The following NR3C2 variants were observed in gnomAD, a reference collection of about 807,000 sequenced individuals.
NR3C2 encodes the protein nuclear receptor subfamily 3 group C member 2, also known as mineralocorticoid receptor.
A neutral mutation model predicts 86.4 loss-of-function variants in NR3C2; 15 were observed. The ratio of observed to expected loss-of-function variants is 0.17; its 90% CI spans 0.12 to 0.27. The LOEUF (loss-of-function observed/expected upper bound fraction) is 0.27, where lower values mean the gene tolerates loss of function less well. Ranked by LOEUF, NR3C2 falls within the 10% of genes least tolerant of loss-of-function variation. The probability of loss-of-function intolerance (pLI) is 1.00; values close to 1 mark genes in which losing one functional copy is unlikely to be tolerated. For missense variants in NR3C2, 960 were observed against 1,195.6 expected (o/e 0.80, Z 2.91); for synonymous variants, 458 against 450.5 (o/e 1.02, Z -0.21).
chr4:148,232,370 A>T (rs376659363), intron 3 of NR3C2, among the ~76,000 whole-genome samples: 2 of 152,254 alleles, frequency 1.3e-5, no homozygotes, highest in Admixed American at 1.3e-4. Flanking sequence ...GTACATCTGC[A>T]TTAGAGTTCT....
intron 3 of NR3C2, among the ~76,000 whole-genome samples, chr4:148,221,237 C>T (rs1232681892): frequency 6.6e-6 from 1 of 152,194 alleles, no homozygotes; most frequent in Non-Finnish European, 1.5e-5. Flanking sequence ...GCCTTTATTA[C>T]TATGTGAACC....
intron 3 of NR3C2, among the ~76,000 whole-genome samples, chr4:148,205,305 G>A (rs1736948680): frequency 6.6e-6 from 1 of 152,150 alleles, no homozygotes; most frequent in South Asian, 2.1e-4. Flanking sequence ...AATTAGACTA[G>A]TTTTGGGTCT....
intron 2 of NR3C2, among the ~76,000 whole-genome samples, chr4:148,409,133 A>C (rs1748565077): frequency 6.6e-6 from 1 of 152,200 alleles, no homozygotes; most frequent in Non-Finnish European, 1.5e-5. Context: ...CAAGGCTCCT[A>C]GCATATTGCC....
chr4:148,321,195 AGATT>A (rs1382594332), intron 2 of NR3C2, among the ~76,000 whole-genome samples: 17 of 126,052 alleles, frequency 1.3e-4, no homozygotes, highest in East Asian at 6.3e-4. Context: ...GTTTTGAGTG[AGATT>A]CTTAATCCTG....
At chr4:148,147,038 T>C (rs1003758174) in intron 6 of NR3C2, among the ~76,000 whole-genome samples, 18 of 152,218 alleles carry the variant, frequency 1.2e-4, no homozygotes, top group African/African-American at 3.6e-4. Flanking sequence ...TAGCAATATA[T>C]GATAAGCTAT....
intron 3 of NR3C2, among the ~76,000 whole-genome samples, chr4:148,217,862 T>G (rs746943725): frequency 2.0e-5 from 3 of 152,196 alleles, no homozygotes; most frequent in Non-Finnish European, 4.4e-5. Context: ...CCATGTGTAA[T>G]GGACTGCAGC....
At chr4:148,233,172 C>T (rs570701606) in intron 3 of NR3C2, among the ~76,000 whole-genome samples, 1 of 152,236 alleles carries the variant, frequency 6.6e-6, no homozygotes, top group South Asian at 2.1e-4. Flanking sequence ...TTTAATTTCC[C>T]TGAAGAACTT....
intron 3 of NR3C2, among the ~76,000 whole-genome samples, chr4:148,222,616 T>C (rs1394684864): frequency 6.6e-6 from 1 of 152,206 alleles, no homozygotes; most frequent in Non-Finnish European, 1.5e-5. Context: ...GAAAATCATT[T>C]AGGAAATTAA....
chr4:148,080,883 T>G lies in NR3C2; in HGVS notation c.*461A>C, dbSNP rs1730519165. On this transcript the variant is annotated 3_prime_UTR_variant, in exon 9 of 9. Coordinates refer to ENST00000358102, the MANE Select transcript of NR3C2 (RefSeq NM_000901.5). ...TGTATATATTTTTTTATTATTTTTT[T>G]GTGTTTTTTTAATAACAAAAGAATA... is the stretch of plus-strand genomic sequence containing the variant. 2.7e-6 allele frequency: 1 copy of G among 364,374 alleles called. No individual in the cohort carries two copies. Among genetic ancestry groups the G allele is most frequent in the African/African-American group, 2.1e-5 (1 of 46,754 alleles). 22.6% of individuals were successfully genotyped at this position (364,374 alleles called of 1,614,324 possible).
At chr4:148,253,010 C>T (rs1739649129) in intron 3 of NR3C2, among the ~76,000 whole-genome samples, 1 of 151,404 alleles carries the variant, frequency 6.6e-6, no homozygotes, top group South Asian at 2.1e-4. Flanking sequence ...AAAATTTAAG[C>T]TACAAGCAGC....
intron 4 of NR3C2, among the ~76,000 whole-genome samples, chr4:148,161,539 G>A (rs1459530241): frequency 6.6e-6 from 1 of 152,034 alleles, no homozygotes; most frequent in Non-Finnish European, 1.5e-5. Flanking sequence ...ATTTTTAGTA[G>A]AGGCGGGGTT....
In NR3C2 at chr4:148,144,659, G is replaced by A. The variant is rs146487530; in HGVS notation, c.2510+7810C>T. 2.6e-3 allele frequency among the ~76,000 whole-genome samples: 400 copies of A among 152,208 alleles called. 1 individual carries two copies. The highest frequency in any genetic ancestry group is 8.8e-3 in the African/African-American group (364 of 41,522). ...TCTCCCTGTATATAACTGAATGACC[G>A]TTCTTGTTTCTAGCTTATAAAACCT... is the stretch of plus-strand genomic sequence containing the variant. On this transcript the variant is annotated intron_variant, in intron 6 of 8. Transcript: ENST00000358102.
chr4:148,431,243 T>A (rs576402192), intron 2 of NR3C2, among the ~76,000 whole-genome samples: 4 of 152,294 alleles, frequency 2.6e-5, no homozygotes, highest in African/African-American at 7.2e-5. Context: ...TCATTTTTAC[T>A]TTAAAATGGT....
intron 2 of NR3C2, among the ~76,000 whole-genome samples, chr4:148,362,822 G>C (rs1265594249): frequency 6.6e-6 from 1 of 152,206 alleles, no homozygotes; most frequent in Non-Finnish European, 1.5e-5. Context: ...GTAAAGGAGA[G>C]AGGGAAGGGC....
intron 2 of NR3C2, among the ~76,000 whole-genome samples, chr4:148,374,833 T>C (rs1746593902): frequency 6.6e-6 from 1 of 152,218 alleles, no homozygotes; most frequent in Non-Finnish European, 1.5e-5. Context: ...CTGTGCTTTC[T>C]GAAATCCCCC....
At chr4:148,365,812 T>C (rs1307168007) in intron 2 of NR3C2, among the ~76,000 whole-genome samples, 1 of 152,174 alleles carries the variant, frequency 6.6e-6, no homozygotes, top group Non-Finnish European at 1.5e-5. Flanking sequence ...TTCAATCAGA[T>C]ATTAGTGAAA....
At chr4:148,269,637 CA>C (rs143497780) in intron 2 of NR3C2, among the ~76,000 whole-genome samples, 2,216 of 151,956 alleles carry the variant, frequency 0.015, 27 homozygotes, top group Admixed American at 0.031. Context: ...AAACAAACAA[CA>C]AAAAACCCCC....
intron 2 of NR3C2, among the ~76,000 whole-genome samples, chr4:148,379,124 A>G (rs1449698654): frequency 6.6e-6 from 1 of 152,222 alleles, no homozygotes; most frequent in African/African-American, 2.4e-5. Context: ...AAAGGACTGG[A>G]AATTAAAATT....
At chr4:148,404,745 C>T (rs1245748498) in intron 2 of NR3C2, among the ~76,000 whole-genome samples, 1 of 151,998 alleles carries the variant, frequency 6.6e-6, no homozygotes, top group African/African-American at 2.4e-5. Context: ...AGGAAATGTA[C>T]TTAGGGGCAT....
Sources: allele counts gnomAD v4.1 joint callset (sites outside exome capture counted in the v4.1 genomes callset), GRCh38; gene constraint gnomAD v4.1.1; transcripts MANE v1.5; gene names NCBI Gene and HGNC (gene_info 2026-07-23, HGNC 2026-07-21).